Variants in DHX36 observed in about 807,000 individuals in gnomAD.
The protein encoded by DHX36 is ATP-dependent DNA/RNA helicase DHX36.
Under a neutral mutation model 139.0 loss-of-function variants are expected in DHX36, and 50 were observed. The observed-to-expected ratio is 0.36, with a 90% CI of 0.29 to 0.46. The LOEUF (loss-of-function observed/expected upper bound fraction) is 0.46. Ranked by LOEUF, DHX36 falls within the 20% of genes least tolerant of loss-of-function variation. DHX36 has a pLI of 1.00. For missense variants in DHX36, 1,024 were observed against 1,211.3 expected (o/e 0.85, Z 2.29); for synonymous variants, 425 against 401.9 (o/e 1.06, Z -0.69).
chr3:154,300,778 T>C, intron 10 of DHX36, 82 bp from the exon 11 acceptor site: 1 of 1,336,610 alleles, frequency 7.5e-7, no homozygotes. Flanking sequence ...ATTAACTCAA[T>C]CTGCAAATGG....
chr3:154,293,202 T>C (rs355761), intron 14 of DHX36, among the ~76,000 whole-genome samples: 26,657 of 152,142 alleles, frequency 0.18, 2,918 homozygotes, highest in Admixed American at 0.24. Flanking sequence ...TCAGCTCCCA[T>C]GCTTCTTTAG....
Position 154,284,467 on chromosome 3 carries a change from C to T in DHX36, c.2292+116G>A, listed in dbSNP as rs111945072. On this transcript the variant is annotated intron_variant, in intron 19 of 24. Coordinates refer to ENST00000496811, the MANE Select transcript of DHX36 (RefSeq NM_020865.3). ...AAGTGCTATGATTACAGGCATGAGC[C>T]ACCGCGCCCGGCCTTATAACAGAGA... 7.7e-5 allele frequency: 67 copies of T among 865,946 alleles called. 1 individual carries two copies. The highest frequency in any genetic ancestry group is 5.8e-4 in the African/African-American group (34 of 58,264). 53.6% of individuals were successfully genotyped at this position (865,946 alleles called of 1,614,324 possible).
intron 1 of DHX36, among the ~76,000 whole-genome samples, chr3:154,320,886 C>G (rs73872813): frequency 0.011 from 1,720 of 152,300 alleles, 31 homozygotes; most frequent in African/African-American, 0.04. Flanking sequence ...ATTCCTTATA[C>G]TGCTACCAGA....
At chr3:154,292,319 TAATC>T (rs1408848467) in intron 15 of DHX36, among the ~76,000 whole-genome samples, 4 of 152,216 alleles carry the variant, frequency 2.6e-5, no homozygotes, top group African/African-American at 4.8e-5. Flanking sequence ...CATAACTTAT[TAATC>T]AAACTTAGAA....
intron 22 of DHX36, chr3:154,279,356 A>C (rs1719260175): frequency 6.6e-6 from 1 of 152,224 alleles, no homozygotes; most frequent in African/African-American, 2.4e-5. Context: ...ACAATGCACC[A>C]GTCCAAAGAA....
chr3:154,323,731 C>T (rs1387338631), intron 1 of DHX36, among the ~76,000 whole-genome samples: 1 of 152,220 alleles, frequency 6.6e-6, no homozygotes, highest in Non-Finnish European at 1.5e-5. Flanking sequence ...ACATCCAAAA[C>T]AGTGTCTGCC....
At chr3:154,281,938 T>G (rs1719347099) in intron 20 of DHX36, among the ~76,000 whole-genome samples, 1 of 152,102 alleles carries the variant, frequency 6.6e-6, no homozygotes, top group South Asian at 2.1e-4. Context: ...TCCACTGTGA[T>G]TCCCCTTTTA....
chr3:154,310,845 A>G (rs1166243023), intron 4 of DHX36, among the ~76,000 whole-genome samples: 7 of 113,738 alleles, frequency 6.2e-5, no homozygotes, highest in Middle Eastern at 4.3e-3. Context: ...ATATATATAT[A>G]TATATATGTA....
intron 2 of DHX36, 60 bp downstream of exon 2, chr3:154,315,979 A>AT: frequency 6.6e-7 from 1 of 1,523,948 alleles, no homozygotes; most frequent in Non-Finnish European, 8.8e-7. Context: ...TAAAGATGTT[A>AT]TTTTTATTAT....
Position 154,275,492 on chromosome 3 carries a change from GACTA to G in DHX36, c.*675_*678del, listed in dbSNP as rs1189418503. ...GAAAAAGGAGAGAAGCCAAGACACT[GACTA>G]ACTGACAGAGCTGAGACTGGAACTG... is the stretch of plus-strand genomic sequence containing the variant. On this transcript the variant is annotated 3_prime_UTR_variant, in exon 25 of 25. Transcript: ENST00000496811. The G allele has an allele frequency of 1.3e-4, 20 of 152,636 alleles. No homozygotes were observed. The highest frequency in any genetic ancestry group is 3.1e-4 in the African/African-American group (13 of 41,538). 9.5% of individuals were successfully genotyped at this position (152,636 alleles called of 1,614,324 possible).
rs531501571 is a variant in DHX36 at position 154,279,156 on chromosome 3, T to C, written c.2567+1423A>G. The C allele has an allele frequency of 3.3e-5, 5 of 152,316 alleles. No homozygotes were observed. In the East Asian group the frequency reaches 7.7e-4, roughly 24 times the overall value. The allele number at this position is 152,316 out of a possible 1,614,324, so 9.4% of individuals were successfully genotyped here. ...CTGTGCCTGGCCCAGCAAATTTCTA[T>C]ACAGGACCAGAGAGTAAATATTTTA... On this transcript the variant is annotated intron_variant, in intron 22 of 24. Transcript: ENST00000496811.
intron 1 of DHX36, among the ~76,000 whole-genome samples, 154 bp from the exon 2 acceptor site, chr3:154,316,317 C>G (rs927605128): frequency 6.6e-6 from 1 of 152,156 alleles, no homozygotes; most frequent in Non-Finnish European, 1.5e-5. Flanking sequence ...CCAATACCCC[C>G]CTTCCTAGAC....
chr3:154,282,467 T>C (rs1719361679), intron 20 of DHX36, among the ~76,000 whole-genome samples: 1 of 152,176 alleles, frequency 6.6e-6, no homozygotes, highest in African/African-American at 2.4e-5. Context: ...ATTCATATTC[T>C]TATTAGCTAT....
intron 5 of DHX36, among the ~76,000 whole-genome samples, chr3:154,307,506 T>C (rs1181497087): frequency 1.3e-5 from 2 of 152,040 alleles, no homozygotes; most frequent in East Asian, 1.9e-4. Flanking sequence ...CTAACAGGTA[T>C]ATGAAAAATG....
At chr3:154,291,715 CTCCTT>C (rs1416159994) in intron 15 of DHX36, among the ~76,000 whole-genome samples, 1 of 152,144 alleles carries the variant, frequency 6.6e-6, no homozygotes, top group African/African-American at 2.4e-5. Flanking sequence ...TCTTTCAACT[CTCCTT>C]TTCTTAAGTC....
intron 9 of DHX36, among the ~76,000 whole-genome samples, chr3:154,302,022 TTAA>T: frequency 6.6e-6 from 1 of 151,350 alleles, no homozygotes; most frequent in Non-Finnish European, 1.5e-5. Flanking sequence ...ATTTGAGAGA[TTAA>T]TGTTTGTAAC....
chr3:154,276,595 C>T (rs560801910), intron 24 of DHX36, 152 bp downstream of exon 24: 1 of 928,626 alleles, frequency 1.1e-6, no homozygotes, highest in East Asian at 2.6e-5. Context: ...CCTCAAAACA[C>T]AATTCAGAAA....
intron 22 of DHX36, chr3:154,280,239 C>T (rs1719291321): frequency 1.0e-5 from 2 of 195,642 alleles, no homozygotes; most frequent in Admixed American, 1.2e-4. Flanking sequence ...ATTTATAAGG[C>T]AAGAGGAAAA....
intron 20 of DHX36, among the ~76,000 whole-genome samples, chr3:154,281,828 T>C (rs1193026323): frequency 1.3e-5 from 2 of 152,080 alleles, no homozygotes; most frequent in African/African-American, 4.8e-5. Context: ...CTATTTTGCA[T>C]GTGTAATTCC....
Sources: allele counts gnomAD v4.1 joint callset (sites outside exome capture counted in the v4.1 genomes callset), GRCh38; gene constraint gnomAD v4.1.1; transcripts MANE v1.5; gene names NCBI Gene and HGNC (gene_info 2026-07-23, HGNC 2026-07-21).